TRAPPC9: variants seen among roughly 807,000 people sequenced by gnomAD.
TRAPPC9 encodes IKK2 binding protein.
TRAPPC9 carries 83 observed loss-of-function variants against 124.0 expected under a neutral mutation model. The observed-to-expected ratio is 0.67, with a 90% CI of 0.56 to 0.80. TRAPPC9 has a LOEUF of 0.80. Among genes scored for constraint, TRAPPC9 ranks in the 30% least tolerant of loss-of-function variants. The pLI is 0.00. For synonymous variants in TRAPPC9, 638 were observed against 617.5 expected (o/e 1.03, Z -0.49); for missense variants, 1,302 against 1,508.3 (o/e 0.86, Z 2.27).
intron 7 of TRAPPC9, among the ~76,000 whole-genome samples, chr8:140,383,295 G>A (rs529186325): frequency 3.3e-5 from 5 of 152,304 alleles, no homozygotes; most frequent in South Asian, 4.1e-4. Flanking sequence ...CACCAGCAAC[G>A]GAGCAAAGCT....
chr8:140,408,385 A>C (rs982120192), intron 5 of TRAPPC9, among the ~76,000 whole-genome samples: 1 of 152,322 alleles, frequency 6.6e-6, no homozygotes, highest in East Asian at 1.9e-4. Context: ...AGCTGCTACC[A>C]CACAAGACTG....
rs557012552 is a variant in TRAPPC9, at chr8:140,278,615, C to T, written c.2115-2794G>A. Reference sequence around the variant, plus strand: ...TTCACAGCTGCCTCCTGCTGAGCCTCACCCTGTGCAGTGCATCTCTGTATG... The same window carrying T: ...TTCACAGCTGCCTCCTGCTGAGCCTTACCCTGTGCAGTGCATCTCTGTATG... On this transcript the variant is annotated intron_variant, in intron 14 of 22. Coordinates refer to ENST00000438773, the MANE Select transcript of TRAPPC9 (RefSeq NM_001160372.4). Among the ~76,000 whole-genome samples the T allele has an allele frequency of 7.2e-4, 109 of 152,352 alleles. No homozygotes were observed. In the Middle Eastern group the frequency reaches 0.01, roughly 14 times the overall value.
intron 19 of TRAPPC9, among the ~76,000 whole-genome samples, chr8:139,979,412 G>A (rs971154759): frequency 6.6e-6 from 1 of 152,206 alleles, no homozygotes. Flanking sequence ...AAGGTGGTGG[G>A]AAGGGCGGAC....
At chr8:140,005,816 G>A (rs1392704597) in intron 18 of TRAPPC9, among the ~76,000 whole-genome samples, 1 of 151,788 alleles carries the variant, frequency 6.6e-6, no homozygotes, top group African/African-American at 2.4e-5. Flanking sequence ...GGAGGCTGAG[G>A]CAGGAGAATC....
At chr8:139,732,324 C>G in intron 21 of TRAPPC9, 122 bp from the exon 22 acceptor site, 1 of 918,620 alleles carries the variant, frequency 1.1e-6, no homozygotes, top group Non-Finnish European at 1.6e-6. Flanking sequence ...GCCACCCACT[C>G]CCTGCCAGGC....
intron 17 of TRAPPC9, chr8:140,098,004 C>T (rs1487944774): frequency 6.6e-6 from 1 of 152,442 alleles, no homozygotes; most frequent in African/African-American, 2.4e-5. Flanking sequence ...CCAGGTCCTC[C>T]GCAGCCAACC....
intron 14 of TRAPPC9, 32 bp from the exon 15 acceptor site, chr8:140,275,853 A>C (rs1182435033): frequency 6.4e-7 from 1 of 1,570,964 alleles, no homozygotes; most frequent in East Asian, 2.2e-5. Flanking sequence ...TAAAGAAGAA[A>C]GAAGGAAGAA....
At chr8:140,224,912 A>ACCCCGG (rs2063411751) in intron 16 of TRAPPC9, among the ~76,000 whole-genome samples, 1 of 152,092 alleles carries the variant, frequency 6.6e-6, no homozygotes, top group Non-Finnish European at 1.5e-5. Context: ...CCGGTAGGAG[A>ACCCCGG]TCAGAGGGGT....
At chr8:140,206,657 G>T (rs2062923768) in intron 17 of TRAPPC9, among the ~76,000 whole-genome samples, 1 of 151,796 alleles carries the variant, frequency 6.6e-6, no homozygotes, top group Non-Finnish European at 1.5e-5. Context: ...CTTCACTTGT[G>T]GTCTCACCTT....
intron 6 of TRAPPC9, chr8:140,405,207 A>AT (rs1474509451): frequency 5.8e-6 from 1 of 171,578 alleles, no homozygotes; most frequent in Non-Finnish European, 1.2e-5. Flanking sequence ...TTTCAACAGC[A>AT]TAGAAAACAC....
chr8:139,748,696 C>T (rs1365174206), intron 21 of TRAPPC9, among the ~76,000 whole-genome samples: 1 of 152,026 alleles, frequency 6.6e-6, no homozygotes, highest in Middle Eastern at 3.2e-3. Context: ...AGCGCAGCCT[C>T]TCCTCCCTGG....
rs61149910 is a variant in TRAPPC9, at chr8:140,410,141, CAAAAAAAAAAAAAA to C, written c.887-4457_887-4444del. 4.1e-4 allele frequency among the ~76,000 whole-genome samples: 29 copies of C among 70,230 alleles called. 1 individual carries two copies. In the East Asian group the frequency reaches 0.022, roughly 53 times the overall value. 46.1% of individuals were successfully genotyped at this position (70,230 alleles called of 152,430 possible). On this transcript the variant is annotated intron_variant, in intron 5 of 22. Transcript: ENST00000438773. ...GGGTGAGGGCATGAGACCTTGTCTC[CAAAAAAAAAAAAAA>C]AAAAAAAAAAAAAATAGGAGAGGAA...
chr8:140,012,760 G>A (rs75094298), intron 18 of TRAPPC9, among the ~76,000 whole-genome samples: 2,584 of 152,234 alleles, frequency 0.017, 66 homozygotes, highest in African/African-American at 0.059. Context: ...GGGGCAACAC[G>A]TTCTCTAGCC....
chr8:140,099,789 TC>T, intron 17 of TRAPPC9: 1 of 148,546 alleles, frequency 6.7e-6, no homozygotes, highest in Non-Finnish European at 1.5e-5. Context: ...GGCTTCAGCA[TC>T]CCCGTGACGC....
At chr8:140,325,776 A>C (rs2066719896) in intron 9 of TRAPPC9, among the ~76,000 whole-genome samples, 1 of 152,224 alleles carries the variant, frequency 6.6e-6, no homozygotes. Context: ...CACAACCCTG[A>C]CACCAAAACC....
rs924342049 is a variant in TRAPPC9 at position 140,015,464 on chromosome 8, G to A, written c.2699+8473C>T. ...CAATAAACTGCAAAGGCCAAGAGCC[G>A]AAAATGCATACTAATTCTGTTGTGT... On this transcript the variant is annotated intron_variant, in intron 18 of 22. Coordinates refer to ENST00000438773, the MANE Select transcript of TRAPPC9 (RefSeq NM_001160372.4). Among the ~76,000 whole-genome samples the A allele has an allele frequency of 3.9e-5, 6 of 152,126 alleles. No individual in the cohort carries two copies. In the South Asian group the frequency reaches 6.2e-4, roughly 16 times the overall value.
chr8:140,039,261 A>G (rs572694868), intron 17 of TRAPPC9, among the ~76,000 whole-genome samples: 3 of 152,320 alleles, frequency 2.0e-5, no homozygotes, highest in East Asian at 3.9e-4. Context: ...CATTTACTCA[A>G]ATGGTAGAGA....
intron 17 of TRAPPC9, among the ~76,000 whole-genome samples, chr8:140,143,216 C>A (rs528771315): frequency 1.1e-4 from 17 of 152,332 alleles, no homozygotes; most frequent in African/African-American, 4.1e-4. Flanking sequence ...GGTGTACAGG[C>A]ATCCATCAAT....
intron 17 of TRAPPC9, among the ~76,000 whole-genome samples, chr8:140,105,838 G>C (rs895508235): frequency 6.6e-6 from 1 of 152,068 alleles, no homozygotes; most frequent in South Asian, 2.1e-4. Context: ...AACACCAGAG[G>C]GTCTGTCCTC....
Sources: gnomAD v4.1 joint callset for allele counts (sites outside exome capture counted in the v4.1 genomes callset) on GRCh38, gnomAD v4.1.1 for gene constraint, MANE v1.5 for transcripts, NCBI Gene and HGNC (gene_info 2026-07-23, HGNC 2026-07-21) for gene names.